Variants in MTG2 observed in about 807,000 individuals in gnomAD.
MTG2 encodes mitochondrial ribosome-associated GTPase 2.
MTG2 carries 23 observed loss-of-function variants against 28.6 expected under a neutral mutation model. The ratio of observed to expected loss-of-function variants is 0.80; its 90% CI spans 0.58 to 1.14. The LOEUF (loss-of-function observed/expected upper bound fraction) is 1.14, where lower values mean the gene tolerates loss of function less well. Ranked by LOEUF, MTG2 falls within the 50% of genes most tolerant of loss-of-function variation. The pLI is 0.00. For synonymous variants in MTG2, 260 were observed against 251.8 expected (o/e 1.03, Z -0.31); for missense variants, 539 against 552.0 (o/e 0.98, Z 0.24).
chr20:62,200,925 T>C lies in MTG2; in HGVS notation c.1069T>C (p.Ser357Pro). The change falls in exon 7 of 7, where the codon TCC (serine) becomes CCC (proline). Residue 357 changes from serine to proline, a missense_variant. By Grantham distance (74) the Ser-to-Pro change is moderately conservative. Coordinates refer to ENST00000370823, the MANE Select transcript of MTG2 (RefSeq NM_015666.4). Reference sequence around the variant, plus strand: ...CCTCCCTGAAGCCCAAGCCAATCTGTCCCAGCTCCGGGATCACTTGGGACA... The same window carrying C: ...CCTCCCTGAAGCCCAAGCCAATCTGCCCCAGCTCCGGGATCACTTGGGACA... ...IDLPEAQANL[S>P]QLRDHLGQEV... is the part of the protein sequence containing the mutation. 1.9e-6 allele frequency: 3 copies of C among 1,614,058 alleles called. No homozygotes were observed. Among genetic ancestry groups the C allele is most frequent in the Non-Finnish European group, 2.5e-6 (3 of 1,180,036 alleles).
chr20:62,202,623 GTC>G lies in MTG2; in HGVS notation c.*1547_*1548del, dbSNP rs2058191549. 6.6e-6 allele frequency: 1 copy of G among 152,176 alleles called. No homozygotes were observed. Among genetic ancestry groups the G allele is most frequent in the Non-Finnish European group, 1.5e-5 (1 of 68,238 alleles). The allele number at this position is 152,176 out of a possible 1,614,324, so 9.4% of individuals were successfully genotyped here. On this transcript the variant is annotated 3_prime_UTR_variant, in exon 7 of 7. Transcript: ENST00000370823. ...AAAAAATTAGCCAGGCGTGGTGGCGGTCACCTGTAGTCCCAGCTACTCGGGAG... is the reference window on the plus strand; with the variant it reads ...AAAAAATTAGCCAGGCGTGGTGGCGGACCTGTAGTCCCAGCTACTCGGGAG...
chr20:62,183,330 G>A (rs1157450010), intron 1 of MTG2, among the ~76,000 whole-genome samples: 1 of 152,248 alleles, frequency 6.6e-6, no homozygotes, highest in Non-Finnish European at 1.5e-5. Flanking sequence ...GCGTTTTGGG[G>A]TCAGAAGTCT....
intron 1 of MTG2, among the ~76,000 whole-genome samples, chr20:62,184,087 G>A (rs554832846): frequency 3.9e-5 from 6 of 152,242 alleles, no homozygotes; most frequent in South Asian, 2.1e-4. Flanking sequence ...CGCTGGGCGC[G>A]GTGGCTCACG....
chr20:62,199,249 A>G lies in MTG2; in HGVS notation c.818A>G (p.Gln273Arg). 1 of 1,611,170 alleles carries G rather than the reference A, an allele frequency of 6.2e-7. No individual in the cohort carries two copies. The highest frequency in any genetic ancestry group is 8.5e-7 in the Non-Finnish European group (1 of 1,177,532). ...ATCGTCCACTACGAAGGCCACCTAC[A>G]AATAGCAGGTAGAACTTCCAGAATT... is the stretch of plus-strand genomic sequence containing the variant. ...VGIVHYEGHL[Q>R]IAVADIPGII... is the part of the protein sequence containing the mutation. Residue 273 changes from glutamine (Q) to arginine (R), a missense_variant, in exon 6 of 7, where the codon CAA (glutamine) becomes CGA (arginine). By Grantham distance (43) the Gln-to-Arg change is conservative (BLOSUM62 1). Coordinates refer to ENST00000370823, the MANE Select transcript of MTG2 (RefSeq NM_015666.4).
intron 1 of MTG2, among the ~76,000 whole-genome samples, chr20:62,189,332 C>G (rs1395068184): frequency 6.6e-6 from 1 of 151,916 alleles, no homozygotes; most frequent in African/African-American, 2.4e-5. Context: ...AAAAGTGTCT[C>G]TTTCTCTCAT....
At chr20:62,190,898 C>A (rs1332794021) in intron 1 of MTG2, among the ~76,000 whole-genome samples, 3 of 152,184 alleles carry the variant, frequency 2.0e-5, no homozygotes, top group Non-Finnish European at 4.4e-5. Flanking sequence ...GAGGGTGTCC[C>A]ATGGAGAGGT....
chr20:62,184,571 C>T (rs770712560), intron 1 of MTG2, among the ~76,000 whole-genome samples: 1 of 152,076 alleles, frequency 6.6e-6, no homozygotes, highest in Non-Finnish European at 1.5e-5. Context: ...CTGGGGAGGG[C>T]TTCTTGGACT....
Position 62,195,863 on chromosome 20 carries a change from C to T in MTG2, c.266C>T (p.Ala89Val). ...TGTGGAGGAAACGGAGGCGCTGGGG[C>T]AAGCTGCTTCCACAGTGAGCCCCGC... ...LVCGGNGGAGASCFHSEPRKE... is the reference protein window; with the variant it reads ...LVCGGNGGAGVSCFHSEPRKE... Residue 89 changes from alanine (A) to valine (V), a missense_variant, in exon 3 of 7, where the codon GCA becomes GTA. By Grantham distance (64) the Ala-to-Val change is moderately conservative (BLOSUM62 0). Transcript: ENST00000370823. 6.2e-7 allele frequency: 1 copy of T among 1,614,160 alleles called. No homozygotes were observed. Among genetic ancestry groups the T allele is most frequent in the Non-Finnish European group, 8.5e-7 (1 of 1,180,028 alleles).
At chr20:62,188,259 T>C (rs1337454342) in intron 1 of MTG2, among the ~76,000 whole-genome samples, 3 of 152,186 alleles carry the variant, frequency 2.0e-5, no homozygotes, top group Non-Finnish European at 2.9e-5. Flanking sequence ...GATTTGCAGG[T>C]ATTTGGGATT....
At chr20:62,195,744 G>C in intron 2 of MTG2, 58 bp from the exon 3 acceptor site, 2 of 1,598,430 alleles carry the variant, frequency 1.3e-6, no homozygotes, top group Non-Finnish European at 1.7e-6. Context: ...TGGATGCATG[G>C]TGTCTTGAAA....
chr20:62,191,618 G>A (rs6061455), intron 1 of MTG2, among the ~76,000 whole-genome samples: 154 of 152,298 alleles, frequency 1.0e-3, no homozygotes, highest in African/African-American at 3.5e-3. Context: ...GAGGCACTGC[G>A]AGGGAGGAGG....
chr20:62,193,607 C>T lies in MTG2; in HGVS notation c.187C>T (p.Leu63Phe). The change falls in exon 2 of 7, where the codon CTC (leucine) becomes TTC (phenylalanine). Residue 63 changes from leucine to phenylalanine, a missense_variant. Leu to Phe is a conservative substitution (Grantham distance 22). Transcript: ENST00000370823. Reference protein sequence around the residue: ...KHQELPGKKLLSEKKLKRYFV... With the variant: ...KHQELPGKKLFSEKKLKRYFV... ...TCAGGAACTCCCGGGGAAGAAGCTG[C>T]TCTCTGAGAAAAAGCTGGTGAGACT... The T allele has an allele frequency of 6.2e-7, 1 of 1,612,010 alleles. No individual in the cohort carries two copies. Among genetic ancestry groups the T allele is most frequent in the Non-Finnish European group, 8.5e-7 (1 of 1,179,696 alleles).
chr20:62,197,000 C>A (rs1376437874), intron 3 of MTG2, among the ~76,000 whole-genome samples: 1 of 151,780 alleles, frequency 6.6e-6, no homozygotes, highest in African/African-American at 2.4e-5. Context: ...CCATTGCACT[C>A]TAGCCTCGGC....
intron 1 of MTG2, among the ~76,000 whole-genome samples, chr20:62,191,875 C>T (rs1568784438): frequency 6.6e-6 from 1 of 152,202 alleles, no homozygotes; most frequent in South Asian, 2.1e-4. Flanking sequence ...GCCCTTGGCA[C>T]CTGCAAGGTA....
rs1224388596 is a variant in MTG2, at chr20:62,201,355, G to C, written c.*278G>C. ...TTAACACCCCTAATAAGGGGTTGGG[G>C]TGCCCATAACGGGGTGGCCCTGCCG... On this transcript the variant is annotated 3_prime_UTR_variant, in exon 7 of 7. Transcript: ENST00000370823. 1 of 471,694 alleles carries C rather than the reference G, an allele frequency of 2.1e-6. No homozygotes were observed. The highest frequency in any genetic ancestry group is 3.8e-6 in the Non-Finnish European group (1 of 264,160). 29.2% of individuals were successfully genotyped at this position (471,694 alleles called of 1,614,324 possible).
chr20:62,194,597 T>G (rs2058025805), intron 2 of MTG2, among the ~76,000 whole-genome samples: 1 of 152,214 alleles, frequency 6.6e-6, no homozygotes, highest in Admixed American at 6.5e-5. Flanking sequence ...TTTTTTTTTG[T>G]GTTTAAATTT....
At position 62,193,408 on chromosome 20, in the gene MTG2, T is replaced by C. The variant is rs2057998135; in HGVS notation, c.-5-8T>C. 1 of 1,613,600 alleles carries C rather than the reference T, an allele frequency of 6.2e-7. No homozygotes were observed. Among genetic ancestry groups the C allele is most frequent in the Non-Finnish European group, 8.5e-7 (1 of 1,179,650 alleles). ...AAGTATCTCATTTTGCCAATTTGAC[T>C]TCTGTAGGGGCCATGGCACCTGCAA... On this transcript the variant is annotated splice_polypyrimidine_tract_variant and splice_region_variant and intron_variant, in intron 1 of 6. Coordinates refer to ENST00000370823, the MANE Select transcript of MTG2 (RefSeq NM_015666.4).
intron 1 of MTG2, among the ~76,000 whole-genome samples, chr20:62,190,482 G>C (rs1415709879): frequency 6.6e-6 from 1 of 152,178 alleles, no homozygotes; most frequent in Non-Finnish European, 1.5e-5. Flanking sequence ...ACTTTCTTGA[G>C]CATTCCTTAT....
chr20:62,188,957 G>A (rs2057902592), intron 1 of MTG2, among the ~76,000 whole-genome samples: 1 of 152,088 alleles, frequency 6.6e-6, no homozygotes, highest in South Asian at 2.1e-4. Flanking sequence ...TTATGTAAAT[G>A]TCAACTAGAT....
Sources: allele counts gnomAD v4.1 joint callset (sites outside exome capture counted in the v4.1 genomes callset), GRCh38; gene constraint gnomAD v4.1.1; transcripts MANE v1.5; gene names NCBI Gene and HGNC (gene_info 2026-07-23, HGNC 2026-07-21).